EXOC6B: variants seen among roughly 807,000 people sequenced by gnomAD.
EXOC6B encodes the protein SEC15 homolog B.
In EXOC6B, 54 loss-of-function variants were observed where a neutral mutation model predicts 113.5. The observed-to-expected ratio is 0.48, with a 90% CI of 0.38 to 0.60. The LOEUF (loss-of-function observed/expected upper bound fraction) is 0.60. Ranked by LOEUF, EXOC6B falls within the 20% of genes least tolerant of loss-of-function variation. EXOC6B has a pLI of 0.00. For missense variants in EXOC6B, 797 were observed against 977.5 expected, an observed-to-expected ratio of 0.82 and a Z score of 2.46; for synonymous variants, 357 against 339.0, an observed-to-expected ratio of 1.05 and a Z score of -0.58.
At chr2:72,661,364 G>C (rs1313819651) in intron 6 of EXOC6B, among the ~76,000 whole-genome samples, 3 of 122,230 alleles carry the variant, frequency 2.5e-5, no homozygotes, top group African/African-American at 9.3e-5. Flanking sequence ...ATATACCAAG[G>C]AATCTCAAAA....
intron 20 of EXOC6B, among the ~76,000 whole-genome samples, chr2:72,258,171 G>A (rs1330004001): frequency 6.6e-6 from 1 of 152,076 alleles, no homozygotes; most frequent in Non-Finnish European, 1.5e-5. Flanking sequence ...GAGGCAGCAA[G>A]AAAACAGTGT....
At chr2:72,809,995 G>GC (rs1344128837) in intron 1 of EXOC6B, among the ~76,000 whole-genome samples, 4 of 152,070 alleles carry the variant, frequency 2.6e-5, no homozygotes, top group Non-Finnish European at 5.9e-5. Context: ...CATATCCTGG[G>GC]CCATAACACA....
At chr2:72,240,496 T>C (rs1296066902) in intron 20 of EXOC6B, among the ~76,000 whole-genome samples, 1 of 151,834 alleles carries the variant, frequency 6.6e-6, no homozygotes, top group Non-Finnish European at 1.5e-5. Context: ...AACAAGGGAG[T>C]ATACATAGGA....
intron 18 of EXOC6B, among the ~76,000 whole-genome samples, chr2:72,446,099 G>T (rs190913694): frequency 3.6e-4 from 55 of 152,242 alleles, no homozygotes; most frequent in Non-Finnish European, 6.2e-4. Flanking sequence ...TTCTCAAAAA[G>T]CCAAAAGCAG....
intron 20 of EXOC6B, among the ~76,000 whole-genome samples, chr2:72,330,089 A>G (rs1688343047): frequency 6.6e-6 from 1 of 152,116 alleles, no homozygotes; most frequent in South Asian, 2.1e-4. Context: ...ATTCAGCTTT[A>G]TAAAAACTTA....
chr2:72,421,007 A>G (rs1257421662), intron 18 of EXOC6B, among the ~76,000 whole-genome samples: 8 of 151,994 alleles, frequency 5.3e-5, no homozygotes, highest in Admixed American at 3.9e-4. Flanking sequence ...GCTTTTTTTC[A>G]TATGTTTGTT....
chr2:72,372,042 G>A (rs1192346496), intron 19 of EXOC6B, among the ~76,000 whole-genome samples: 1 of 152,002 alleles, frequency 6.6e-6, no homozygotes, highest in African/African-American at 2.4e-5. Flanking sequence ...ACAATCTGAA[G>A]AAGAAATCAA....
intron 8 of EXOC6B, among the ~76,000 whole-genome samples, chr2:72,543,814 G>A (rs1321010359): frequency 6.6e-6 from 1 of 152,188 alleles, no homozygotes; most frequent in Non-Finnish European, 1.5e-5. Flanking sequence ...CCAGGCACTA[G>A]TGGGTCAGTG....
At chr2:72,245,080 A>G (rs1162949718) in intron 20 of EXOC6B, among the ~76,000 whole-genome samples, 2 of 152,212 alleles carry the variant, frequency 1.3e-5, no homozygotes, top group Non-Finnish European at 2.9e-5. Flanking sequence ...TATAGTTTCA[A>G]TACAATCCCA....
At chr2:72,519,371 A>G (rs1411826412) in intron 8 of EXOC6B, among the ~76,000 whole-genome samples, 1 of 152,128 alleles carries the variant, frequency 6.6e-6, no homozygotes, top group Non-Finnish European at 1.5e-5. Context: ...AGTGTTCCTA[A>G]GCTCAAGAAA....
intron 18 of EXOC6B, among the ~76,000 whole-genome samples, chr2:72,447,271 A>G (rs1265076928): frequency 6.6e-6 from 1 of 152,172 alleles, no homozygotes; most frequent in African/African-American, 2.4e-5. Flanking sequence ...TGAGGGAAGG[A>G]CCATCTTTAT....
At chr2:72,608,999 G>C (rs1319798090) in intron 6 of EXOC6B, among the ~76,000 whole-genome samples, 7 of 152,080 alleles carry the variant, frequency 4.6e-5, no homozygotes, top group African/African-American at 1.4e-4. Flanking sequence ...TAGGGGACTG[G>C]AATCTAGATG....
chr2:72,658,444 G>A (rs1163444910), intron 6 of EXOC6B, among the ~76,000 whole-genome samples: 1 of 151,888 alleles, frequency 6.6e-6, no homozygotes, highest in Non-Finnish European at 1.5e-5. Context: ...TGTTCTTAGT[G>A]TCATGGCTGA....
At chr2:72,435,414 A>G (rs750252786) in intron 18 of EXOC6B, among the ~76,000 whole-genome samples, 3 of 152,172 alleles carry the variant, frequency 2.0e-5, no homozygotes, top group African/African-American at 7.2e-5. Context: ...GTAGATGTCT[A>G]TTAGGTCTGC....
intron 18 of EXOC6B, among the ~76,000 whole-genome samples, chr2:72,444,493 C>A (rs1199874920): frequency 6.6e-6 from 1 of 152,208 alleles, no homozygotes; most frequent in African/African-American, 2.4e-5. Flanking sequence ...TCCCAACCCA[C>A]ATTTCCCTTC....
intron 18 of EXOC6B, among the ~76,000 whole-genome samples, chr2:72,425,834 C>T (rs1245580033): frequency 6.6e-6 from 1 of 152,062 alleles, no homozygotes; most frequent in African/African-American, 2.4e-5. Context: ...TAAATTTTCA[C>T]CTATTTTTCT....
intron 14 of EXOC6B, 107 bp from the exon 15 acceptor site, chr2:72,495,646 T>C (rs1244537750): frequency 1.5e-6 from 1 of 654,534 alleles, no homozygotes; most frequent in Non-Finnish European, 2.7e-6. Flanking sequence ...TTGTGAATTG[T>C]CTCCTTAACA....
At chr2:72,272,863 T>A (rs1216715461) in intron 20 of EXOC6B, among the ~76,000 whole-genome samples, 1 of 152,162 alleles carries the variant, frequency 6.6e-6, no homozygotes, top group East Asian at 1.9e-4. Context: ...ACAAAGCAGG[T>A]GGGAGGAATA....
intron 19 of EXOC6B, among the ~76,000 whole-genome samples, chr2:72,372,244 C>A (rs1320086669): frequency 6.6e-6 from 1 of 152,048 alleles, no homozygotes; most frequent in Non-Finnish European, 1.5e-5. Flanking sequence ...CCCATATTAC[C>A]CAAAGCAATC....
Sources: allele counts gnomAD v4.1 joint callset (sites outside exome capture counted in the v4.1 genomes callset), GRCh38; gene constraint gnomAD v4.1.1; transcripts MANE v1.5; gene names NCBI Gene and HGNC (gene_info 2026-07-23, HGNC 2026-07-21).